The following KNOP1 variants were observed in gnomAD, a reference collection of about 807,000 sequenced individuals.
KNOP1 encodes lysine rich nucleolar protein 1.
KNOP1 carries 20 observed loss-of-function variants against 30.6 expected under a neutral mutation model. The ratio of observed to expected loss-of-function variants is 0.65; its 90% CI spans 0.46 to 0.95. The LOEUF (loss-of-function observed/expected upper bound fraction) is 0.95. Ranked by LOEUF, KNOP1 falls within the 40% of genes least tolerant of loss-of-function variation. The pLI is 0.00. For synonymous variants in KNOP1, 204 were observed against 210.0 expected (o/e 0.97, Z 0.25); for missense variants, 540 against 562.0 (o/e 0.96, Z 0.40).
intron 2 of KNOP1, among the ~76,000 whole-genome samples, chr16:19,712,246 C>T (rs1022164271): frequency 3.9e-5 from 6 of 152,138 alleles, no homozygotes; most frequent in Admixed American, 6.5e-5. Context: ...GCTGGTAAAA[C>T]CAAGGCTAAT....
chr16:19,713,948 T>C (rs540610179), intron 2 of KNOP1, among the ~76,000 whole-genome samples, 170 bp downstream of exon 2: 7 of 152,296 alleles, frequency 4.6e-5, no homozygotes, highest in East Asian at 1.9e-4. Context: ...ACCTTTCCAA[T>C]TGCATATATC....
At chr16:19,707,277 C>A in intron 4 of KNOP1, 56 bp from the exon 5 acceptor site, 1 of 1,467,036 alleles carries the variant, frequency 6.8e-7, no homozygotes, top group Non-Finnish European at 9.4e-7. Context: ...CCTTTCCTTC[C>A]CTTGACCCCC....
intron 3 of KNOP1, 30 bp from the exon 4 acceptor site, chr16:19,710,616 G>C (rs769710931): frequency 1.9e-6 from 3 of 1,573,418 alleles, no homozygotes; most frequent in South Asian, 2.2e-5. Context: ...GAAGAGGGCC[G>C]TCAGACAGAG....
At chr16:19,712,099 G>A (rs1277108151) in intron 2 of KNOP1, 4 of 152,498 alleles carry the variant, frequency 2.6e-5, no homozygotes, top group African/African-American at 4.8e-5. Flanking sequence ...GTGGGAGGTA[G>A]AGTCCCCCCA....
chr16:19,717,487 T>TTCAGAATAGG (rs1977219219), intron 1 of KNOP1: 1 of 985,072 alleles, frequency 1.0e-6, no homozygotes, highest in African/African-American at 1.7e-5. Flanking sequence ...CCAAGAGATC[T>TTCAGAATAGG]GGTAAGAACA....
intron 3 of KNOP1, 103 bp from the exon 4 acceptor site, chr16:19,710,689 A>C (rs1281506666): frequency 3.1e-5 from 27 of 864,186 alleles, no homozygotes; most frequent in Admixed American, 2.4e-4. Flanking sequence ...CGTGGGAGGA[A>C]CTAACACAGC....
chr16:19,714,060 T>A, intron 2 of KNOP1, 58 bp downstream of exon 2: 618 of 1,254,328 alleles, frequency 4.9e-4, no homozygotes, highest in Non-Finnish European at 6.4e-4. Flanking sequence ...TACACACCCC[T>A]CCCAAACCCC....
chr16:19,705,387 A>G lies in KNOP1; in HGVS notation c.*1523T>C. 2 of 397,364 alleles carry G rather than the reference A, an allele frequency of 5.0e-6. No homozygotes were observed. Among genetic ancestry groups the G allele is most frequent in the East Asian group, 7.2e-5 (1 of 13,868 alleles). 24.6% of individuals were successfully genotyped at this position (397,364 alleles called of 1,614,324 possible). On this transcript the variant is annotated 3_prime_UTR_variant, in exon 5 of 5. Coordinates refer to ENST00000219837, the MANE Select transcript of KNOP1 (RefSeq NM_001012991.3). ...GCAAAAAGCTAGGTGAGTGGAAAGAAGGTGGTCACAGATGGTCACATGCGA... is the reference window on the plus strand; with the variant it reads ...GCAAAAAGCTAGGTGAGTGGAAAGAGGGTGGTCACAGATGGTCACATGCGA...
chr16:19,707,772 C>T (rs1251027346), intron 4 of KNOP1, among the ~76,000 whole-genome samples: 1 of 133,762 alleles, frequency 7.5e-6, no homozygotes, highest in Non-Finnish European at 1.6e-5. Context: ...GCGCACATGG[C>T]GCACCTCCTC....
rs751027012 is a variant in KNOP1, at chr16:19,711,366, C to T, written c.987+6G>A. 4 of 1,613,720 alleles carry T rather than the reference C, an allele frequency of 2.5e-6. No homozygotes were observed. The highest frequency in any genetic ancestry group is 1.7e-6 in the Non-Finnish European group (2 of 1,179,948). On this transcript the variant is annotated splice_donor_region_variant and intron_variant, in intron 3 of 4. Coordinates refer to ENST00000219837, the MANE Select transcript of KNOP1 (RefSeq NM_001012991.3). ...GGGAGGGGCCTGAGGAGGGTCTGGGCTGTACCTGGTCTATGTGCGCCTCAT... is the reference window on the plus strand; with the variant it reads ...GGGAGGGGCCTGAGGAGGGTCTGGGTTGTACCTGGTCTATGTGCGCCTCAT...
chr16:19,710,637 A>C (rs2151647723), intron 3 of KNOP1, 51 bp from the exon 4 acceptor site: 2 of 1,511,874 alleles, frequency 1.3e-6, no homozygotes, highest in Non-Finnish European at 1.8e-6. Context: ...ATCTTCTTTC[A>C]AGCTTAAAAC....
chr16:19,702,808 T>C lies in KNOP1; in HGVS notation c.*4102A>G, dbSNP rs778219596. On this transcript the variant is annotated 3_prime_UTR_variant, in exon 5 of 5. Coordinates refer to ENST00000219837, the MANE Select transcript of KNOP1 (RefSeq NM_001012991.3). ...GAGATCAAGACCATCCTGGCCAACATGGTGAAACTCCATCTCTACTAAAAA... is the reference window on the plus strand; with the variant it reads ...GAGATCAAGACCATCCTGGCCAACACGGTGAAACTCCATCTCTACTAAAAA... 6.6e-6 allele frequency: 1 copy of C among 151,970 alleles called. No homozygotes were observed. The highest frequency in any genetic ancestry group is 1.5e-5 in the Non-Finnish European group (1 of 68,064). 9.4% of individuals were successfully genotyped at this position (151,970 alleles called of 1,614,324 possible).
At chr16:19,710,484 C>T (rs720173) in intron 4 of KNOP1, 25 bp downstream of exon 4, 282,817 of 1,612,420 alleles carry the variant, frequency 0.18, 25,981 homozygotes, top group South Asian at 0.25. Context: ...GCCACCTCCT[C>T]GCAGAGCCCT....
Position 19,707,223 on chromosome 16 carries a change from T to C in KNOP1, c.1066-2A>G. The C allele has an allele frequency of 6.2e-7, 1 of 1,608,414 alleles. No individual in the cohort carries two copies. Among genetic ancestry groups the C allele is most frequent in the African/African-American group, 1.3e-5 (1 of 74,586 alleles). ...ATCCCACTGGCCAAACTGGGTTCCC[T>C]GTGAGGAGAGGAAAAAGGTGGCTAT... On this transcript the variant is annotated splice_acceptor_variant, in intron 4 of 4. Transcript: ENST00000219837. LOFTEE classifies it high-confidence loss of function.
In KNOP1 at chr16:19,705,278, C is replaced by G. The variant is rs1976311615; in HGVS notation, c.*1632G>C. The G allele has an allele frequency of 2.2e-6, 1 of 455,974 alleles. No homozygotes were observed. Among genetic ancestry groups the G allele is most frequent in the South Asian group, 1.5e-5 (1 of 64,550 alleles). The allele number at this position is 455,974 out of a possible 1,614,324, so 28.2% of individuals were successfully genotyped here. A position where few individuals can be genotyped will look rare whatever the true frequency, so the allele number is the denominator to read the frequency against. On this transcript the variant is annotated 3_prime_UTR_variant, in exon 5 of 5. Coordinates refer to ENST00000219837, the MANE Select transcript of KNOP1 (RefSeq NM_001012991.3). ...GACTGAACTTTCTGGCCATCGAGGC[C>G]TGCCTGGGCTGGGATGTCTGTAGGA...
intron 2 of KNOP1, among the ~76,000 whole-genome samples, chr16:19,713,804 T>C (rs1227942949): frequency 1.3e-5 from 2 of 152,128 alleles, no homozygotes; most frequent in Admixed American, 1.3e-4. Flanking sequence ...TCTGAAAAAT[T>C]GATCCCAGTT....
Position 19,718,146 on chromosome 16 carries a change from C to T in KNOP1, c.-3+12G>A. The T allele has an allele frequency of 1.4e-6, 2 of 1,472,278 alleles. No individual in the cohort carries two copies. The highest frequency in any genetic ancestry group is 9.0e-7 in the Non-Finnish European group (1 of 1,117,082). 91.2% of individuals were successfully genotyped at this position (1,472,278 alleles called of 1,614,324 possible). The stretch of plus-strand genomic sequence containing the variant: ...CCGCGCCGGCCCGCCTGCAACGCGC[C>T]CTGGCACTCACCGGTGGGCGAAATT... On this transcript the variant is annotated intron_variant, in intron 1 of 4. Coordinates refer to ENST00000219837, the MANE Select transcript of KNOP1 (RefSeq NM_001012991.3).
In KNOP1 at chr16:19,707,091, C is replaced by T; in HGVS notation, c.1196G>A (p.Arg399Lys). 6.2e-7 allele frequency: 1 copy of T among 1,614,198 alleles called. No individual in the cohort carries two copies. ...CTTCTTGCCGAGGGCCATGTTGGGCCTTGCAATCGTGCTGGCGGGGCGGCT... is the reference window on the plus strand; with the variant it reads ...CTTCTTGCCGAGGGCCATGTTGGGCTTTGCAATCGTGCTGGCGGGGCGGCT... ...SFSRPASTIA[R>K]PNMALGKKAA... The change falls in exon 5 of 5, where the codon AGG becomes AAG. Residue 399 changes from arginine to lysine, a missense_variant. Physicochemically the swap from Arg to Lys is conservative, Grantham distance 26. Coordinates refer to ENST00000219837, the MANE Select transcript of KNOP1 (RefSeq NM_001012991.3).
chr16:19,713,853 G>A (rs1179748591), intron 2 of KNOP1, among the ~76,000 whole-genome samples: 1 of 152,146 alleles, frequency 6.6e-6, no homozygotes, highest in Non-Finnish European at 1.5e-5. Context: ...AACTTGGGTG[G>A]TTTCAGTAGC....
Sources: allele counts gnomAD v4.1 joint callset (sites outside exome capture counted in the v4.1 genomes callset), GRCh38; gene constraint gnomAD v4.1.1; transcripts MANE v1.5; gene names NCBI Gene and HGNC (gene_info 2026-07-23, HGNC 2026-07-21).